The following ANAPC1 variants were observed in gnomAD, a reference collection of about 807,000 sequenced individuals.
ANAPC1 encodes anaphase-promoting complex subunit 1.
Under a neutral mutation model 208.0 loss-of-function variants are expected in ANAPC1, and 36 were observed. That is an observed-to-expected ratio of 0.17 (90% CI 0.13 to 0.23). The LOEUF (loss-of-function observed/expected upper bound fraction) is 0.23. Ranked by LOEUF, ANAPC1 falls within the 10% of genes least tolerant of loss-of-function variation. The probability of loss-of-function intolerance (pLI) is 1.00; values close to 1 mark genes in which losing one functional copy is unlikely to be tolerated. For missense variants in ANAPC1, 942 were observed against 2,011.6 expected (o/e 0.47, Z 10.17); for synonymous variants, 378 against 695.2 (o/e 0.54, Z 7.18).
intron 18 of ANAPC1, among the ~76,000 whole-genome samples, chr2:111,835,283 A>G (rs1680404295): frequency 6.6e-6 from 1 of 152,244 alleles, no homozygotes; most frequent in South Asian, 2.1e-4. Context: ...TGGTGTATTC[A>G]TCTTTCCACA....
chr2:111,870,781 A>G (rs10202998), intron 6 of ANAPC1, among the ~76,000 whole-genome samples: 88,525 of 152,012 alleles, frequency 0.58, 26,695 homozygotes, highest in South Asian at 0.69. Context: ...GCCAATGTCC[A>G]GAAGAGTTTT....
intron 16 of ANAPC1, among the ~76,000 whole-genome samples, chr2:111,843,823 T>TTA (rs1680903905): frequency 7.3e-6 from 1 of 136,554 alleles, no homozygotes; most frequent in African/African-American, 2.7e-5. Context: ...AAGACAGCTT[T>TTA]TTTTTTTTTT....
At chr2:111,798,851 A>G (rs1414277935) in intron 34 of ANAPC1, among the ~76,000 whole-genome samples, 1 of 152,196 alleles carries the variant, frequency 6.6e-6, no homozygotes, top group Admixed American at 6.5e-5. Context: ...TGGCTAACAC[A>G]GTGAAACCCC....
intron 21 of ANAPC1, 47 bp from the exon 22 acceptor site, chr2:111,825,902 C>G (rs777191859): frequency 6.4e-7 from 1 of 1,572,250 alleles, no homozygotes; most frequent in African/African-American, 1.4e-5. Context: ...TCAGAGACAG[C>G]ATCTCACTTT....
chr2:111,859,901 C>T (rs1190579030), intron 10 of ANAPC1, among the ~76,000 whole-genome samples: 2 of 152,296 alleles, frequency 1.3e-5, no homozygotes, highest in African/African-American at 4.8e-5. Context: ...TAGCCTACTA[C>T]TTCACATTAA....
intron 6 of ANAPC1, among the ~76,000 whole-genome samples, chr2:111,872,152 T>C (rs1349202842): frequency 6.6e-6 from 1 of 152,164 alleles, no homozygotes; most frequent in Non-Finnish European, 1.5e-5. Flanking sequence ...TTTTATTAAT[T>C]TGTGGTAAGT....
intron 7 of ANAPC1, chr2:111,866,239 T>C (rs970913557): frequency 1.2e-5 from 4 of 333,436 alleles, no homozygotes; most frequent in Admixed American, 1.0e-4. Context: ...CGAAATGTGG[T>C]GGAGGCCGCA....
chr2:111,869,247 T>C (rs1021261198), intron 6 of ANAPC1, among the ~76,000 whole-genome samples: 2 of 142,820 alleles, frequency 1.4e-5, no homozygotes, highest in South Asian at 2.4e-4. Flanking sequence ...CTGAATCTTG[T>C]TATTTATTTT....
At chr2:111,837,739 T>G (rs574795129) in intron 18 of ANAPC1, among the ~76,000 whole-genome samples, 8 of 152,244 alleles carry the variant, frequency 5.3e-5, no homozygotes, top group Admixed American at 3.9e-4. Flanking sequence ...TGTATTTCAT[T>G]TTTGTAAATT....
intron 1 of ANAPC1, among the ~76,000 whole-genome samples, chr2:111,881,682 G>T (rs559179314): frequency 1.3e-5 from 2 of 152,118 alleles, no homozygotes; most frequent in Non-Finnish European, 2.9e-5. Context: ...ATTGTCCTTC[G>T]ATCCACTTTC....
chr2:111,847,545 C>T (rs546116503), intron 15 of ANAPC1, among the ~76,000 whole-genome samples, 180 bp downstream of exon 15: 1 of 152,240 alleles, frequency 6.6e-6, no homozygotes, highest in South Asian at 2.1e-4. Context: ...AATACAGAAA[C>T]TGTAGAAAAC....
At chr2:111,879,208 G>A (rs1433818218) in intron 2 of ANAPC1, among the ~76,000 whole-genome samples, 1 of 152,152 alleles carries the variant, frequency 6.6e-6, no homozygotes, top group East Asian at 1.9e-4. Flanking sequence ...ATATTACTCT[G>A]CCAAAAACAA....
At chr2:111,824,293 T>C (rs1203245517) in intron 24 of ANAPC1, among the ~76,000 whole-genome samples, 1 of 147,440 alleles carries the variant, frequency 6.8e-6, no homozygotes. Flanking sequence ...ATACTTTAGA[T>C]AAGACTTCAA....
chr2:111,864,464 T>TAC (rs1491252102), intron 8 of ANAPC1, among the ~76,000 whole-genome samples: 1 of 46,458 alleles, frequency 2.2e-5, no homozygotes, highest in Admixed American at 2.4e-4. Flanking sequence ...ATATATATAC[T>TAC]TTTTTTTTTT....
At chr2:111,783,700 A>G (rs1677405294) in intron 42 of ANAPC1, among the ~76,000 whole-genome samples, 197 bp downstream of exon 42, 1 of 152,284 alleles carries the variant, frequency 6.6e-6, no homozygotes, top group Non-Finnish European at 1.5e-5. Flanking sequence ...GGAGTTTGAA[A>G]TTAAAACTTT....
chr2:111,827,775 TAA>T (rs1292634145), intron 21 of ANAPC1, among the ~76,000 whole-genome samples: 1 of 151,450 alleles, frequency 6.6e-6, no homozygotes, highest in Non-Finnish European at 1.5e-5. Flanking sequence ...AAATAAAAAA[TAA>T]AAAAAGTCCA....
chr2:111,798,582 T>TG (rs1358335673), intron 34 of ANAPC1, among the ~76,000 whole-genome samples: 1 of 152,012 alleles, frequency 6.6e-6, no homozygotes, highest in African/African-American at 2.4e-5. Context: ...ATCTTCATGA[T>TG]GGGGTTAGAC....
At position 111,856,677 on chromosome 2, in the gene ANAPC1, T is replaced by C. The variant is rs146218010; in HGVS notation, c.1452A>G (p.Lys484=). ...CTTCCAAGACCAGCATGGTGTCTAT[T>C]TTCTAAAAAAACAAAAAAGACAAAA... The part of the protein sequence containing the change: ...IPAKDAAPVE[K]IDTMLVLEGS... Residue 484 remains lysine, a splice_region_variant and synonymous_variant, in exon 13 of 48, where the codon AAA becomes AAG. Coordinates refer to ENST00000341068, the MANE Select transcript of ANAPC1 (RefSeq NM_022662.4). 6.2e-7 allele frequency: 1 copy of C among 1,613,914 alleles called. No homozygotes were observed. The highest frequency in any genetic ancestry group is 1.7e-5 in the Admixed American group (1 of 59,998).
chr2:111,794,570 AT>A (rs1483556492), intron 35 of ANAPC1, among the ~76,000 whole-genome samples: 1 of 152,132 alleles, frequency 6.6e-6, no homozygotes, highest in Non-Finnish European at 1.5e-5. Flanking sequence ...ATTGTTGCCA[AT>A]TTCTTTAATG....
Sources: allele counts gnomAD v4.1 joint callset (sites outside exome capture counted in the v4.1 genomes callset), GRCh38; gene constraint gnomAD v4.1.1; transcripts MANE v1.5; gene names NCBI Gene and HGNC (gene_info 2026-07-23, HGNC 2026-07-21).